The following FAM78B variants were observed in gnomAD, a reference collection of about 807,000 sequenced individuals.
FAM78B encodes protein FAM78B.
Under a neutral mutation model 20.0 loss-of-function variants are expected in FAM78B, and 10 were observed. The ratio of observed to expected loss-of-function variants is 0.50; its 90% CI spans 0.31 to 0.85. FAM78B has a LOEUF of 0.85. FAM78B is among the 40% of genes least tolerant of loss of function. The pLI is 0.05. For synonymous variants in FAM78B, 135 were observed against 132.8 expected, an observed-to-expected ratio of 1.02 and a Z score of -0.12; for missense variants, 283 against 345.0, an observed-to-expected ratio of 0.82 and a Z score of 1.42.
At chr1:166,092,050 T>G (rs1653096507) in intron 1 of FAM78B, among the ~76,000 whole-genome samples, 1 of 122,654 alleles carries the variant, frequency 8.2e-6, no homozygotes, top group East Asian at 2.3e-4. Flanking sequence ...TTTTTTTTTT[T>G]GCAAAACAAA....
intron 1 of FAM78B, among the ~76,000 whole-genome samples, chr1:166,163,973 T>C (rs922986811): frequency 6.6e-6 from 1 of 152,240 alleles, no homozygotes; most frequent in Non-Finnish European, 1.5e-5. Context: ...TCAGGAATCC[T>C]GTCACTGATT....
At chr1:166,109,849 T>TAC (rs1653947745) in intron 1 of FAM78B, among the ~76,000 whole-genome samples, 2 of 30,274 alleles carry the variant, frequency 6.6e-5, no homozygotes, top group Non-Finnish European at 1.6e-4. Flanking sequence ...TGTATATATA[T>TAC]ATATATATAT....
chr1:166,057,813 T>C (rs1651406975), exon 3 of FAM78B: 1 of 152,154 alleles, frequency 6.6e-6, no homozygotes, highest in African/African-American at 2.4e-5. Context: ...ACTGATATAG[T>C]CAGTCATAGC....
chr1:166,059,299 A>C (rs1651480650), exon 3 of FAM78B: 1 of 152,722 alleles, frequency 6.5e-6, no homozygotes, highest in Non-Finnish European at 1.5e-5. Context: ...AGAGAGGAGA[A>C]GGGGCTGGAG....
At chr1:166,104,804 C>T (rs1433225410) in intron 1 of FAM78B, among the ~76,000 whole-genome samples, 2 of 152,100 alleles carry the variant, frequency 1.3e-5, no homozygotes, top group African/African-American at 4.8e-5. Flanking sequence ...GATTTAATGC[C>T]ATCCCTATCA....
At chr1:166,073,219 A>T (rs1008272609) in intron 1 of FAM78B, among the ~76,000 whole-genome samples, 4 of 152,156 alleles carry the variant, frequency 2.6e-5, no homozygotes, top group African/African-American at 9.7e-5. Flanking sequence ...AGTCATTGGG[A>T]ATAGTGACAT....
chr1:166,094,102 G>C (rs934373178), intron 1 of FAM78B, among the ~76,000 whole-genome samples: 5 of 151,690 alleles, frequency 3.3e-5, no homozygotes, highest in African/African-American at 1.2e-4. Context: ...GAAGGAAGCA[G>C]GACGTTGGGA....
chr1:166,102,787 T>G (rs138738644), intron 1 of FAM78B, among the ~76,000 whole-genome samples: 5 of 152,070 alleles, frequency 3.3e-5, no homozygotes, highest in African/African-American at 1.2e-4. Context: ...CTGTCAACAT[T>G]AGACAGATCA....
intron 1 of FAM78B, among the ~76,000 whole-genome samples, chr1:166,136,164 G>T (rs1478244957): frequency 6.6e-6 from 1 of 152,124 alleles, no homozygotes; most frequent in Non-Finnish European, 1.5e-5. Flanking sequence ...GACCAGCTGG[G>T]AACTAGCAAA....
At chr1:166,056,305 G>C (rs1651343238), downstream of FAM78B, among the ~76,000 whole-genome samples, 1 of 69,708 alleles carries the variant, frequency 1.4e-5, no homozygotes, top group Non-Finnish European at 2.8e-5. Flanking sequence ...GAGAGAATAT[G>C]AATGAATGAA....
intron 1 of FAM78B, among the ~76,000 whole-genome samples, chr1:166,127,897 TC>T (rs963524767): frequency 2.0e-5 from 3 of 152,060 alleles, no homozygotes; most frequent in African/African-American, 7.2e-5. Context: ...GGCAAATGGA[TC>T]CACACATAAT....
chr1:166,058,905 T>C (rs955869054), exon 3 of FAM78B: 2 of 152,028 alleles, frequency 1.3e-5, no homozygotes, highest in Admixed American at 6.6e-5. Flanking sequence ...GCTGAGGAGG[T>C]TGGTTGTTGG....
At chr1:166,067,120 G>A (rs1651825578), downstream of FAM78B, among the ~76,000 whole-genome samples, 1 of 152,118 alleles carries the variant, frequency 6.6e-6, no homozygotes, top group Non-Finnish European at 1.5e-5. Flanking sequence ...GTGGGTGAAT[G>A]GATTAGGGAT....
chr1:166,082,572 T>G (rs947871058), intron 1 of FAM78B: 3 of 152,274 alleles, frequency 2.0e-5, no homozygotes, highest in Admixed American at 1.3e-4. Context: ...GCATATGCAT[T>G]TCAGTGTGCT....
chr1:166,100,253 C>T (rs1653456064), intron 1 of FAM78B, among the ~76,000 whole-genome samples: 1 of 152,200 alleles, frequency 6.6e-6, no homozygotes, highest in Admixed American at 6.5e-5. Context: ...CAGTATACAG[C>T]TCCCAGCAGG....
intron 1 of FAM78B, chr1:166,164,899 T>C (rs961501768): frequency 6.6e-6 from 1 of 152,224 alleles, no homozygotes; most frequent in Non-Finnish European, 1.5e-5. Context: ...TAGACCTACA[T>C]TGTAACAGCA....
chr1:166,124,422 T>C (rs368298369), intron 1 of FAM78B, among the ~76,000 whole-genome samples: 1 of 152,246 alleles, frequency 6.6e-6, no homozygotes, highest in Non-Finnish European at 1.5e-5. Context: ...GGCACTGTTC[T>C]AGGCATTTGG....
At chr1:166,115,096 T>C (rs1654206482) in intron 1 of FAM78B, among the ~76,000 whole-genome samples, 1 of 152,194 alleles carries the variant, frequency 6.6e-6, no homozygotes. Context: ...ACAGCATGGT[T>C]TGTTCGTTCA....
chr1:166,078,620 C>T (rs980360531), intron 1 of FAM78B, among the ~76,000 whole-genome samples: 1 of 152,214 alleles, frequency 6.6e-6, no homozygotes, highest in African/African-American at 2.4e-5. Context: ...CAAATTCTCC[C>T]ACTGCCTTTG....
Sources: gnomAD v4.1 joint callset for allele counts (sites outside exome capture counted in the v4.1 genomes callset) on GRCh38, gnomAD v4.1.1 for gene constraint, MANE v1.5 for transcripts, NCBI Gene and HGNC (gene_info 2026-07-23, HGNC 2026-07-21) for gene names.